The following DEF8 variants were observed in gnomAD, a reference collection of about 807,000 sequenced individuals.
DEF8 encodes the protein DEF-8.
DEF8 carries 38 observed loss-of-function variants against 59.1 expected under a neutral mutation model. The ratio of observed to expected loss-of-function variants is 0.64; its 90% confidence interval spans 0.50 to 0.84. The LOEUF is 0.84. DEF8 is among the 40% of genes least tolerant of loss of function. DEF8 has a pLI of 0.00. For synonymous variants in DEF8, 265 were observed against 250.1 expected, an observed-to-expected ratio of 1.06 and a Z score of -0.56; for missense variants, 557 against 615.2, an observed-to-expected ratio of 0.91 and a Z score of 1.00.
chr16:89,961,135 TC>T, intron 7 of DEF8, 40 bp downstream of exon 7: 1 of 1,591,420 alleles, frequency 6.3e-7, no homozygotes, highest in Non-Finnish European at 8.6e-7. Flanking sequence ...AGGGAGCTGT[TC>T]CTGGCGGGGA....
intron 10 of DEF8, 129 bp from the exon 11 acceptor site, chr16:89,964,041 T>G: frequency 7.8e-7 from 1 of 1,280,696 alleles, no homozygotes; most frequent in South Asian, 1.2e-5. Context: ...ATTCTACTCC[T>G]GGGGCCCAGA....
At chr16:89,963,205 G>C (rs1050614188) in intron 9 of DEF8, among the ~76,000 whole-genome samples, 158 bp from the exon 10 acceptor site, 3 of 152,156 alleles carry the variant, frequency 2.0e-5, no homozygotes, top group African/African-American at 7.2e-5. Context: ...GCCCAGCCTG[G>C]GAGCTGTGAT....
In DEF8 at chr16:89,967,752, C is replaced by A. The variant is rs533176729; in HGVS notation, c.*1789C>A. 2 of 324,412 alleles carry A rather than the reference C, an allele frequency of 6.2e-6. No homozygotes were observed. Among genetic ancestry groups the A allele is most frequent in the Non-Finnish European group, 1.1e-5 (2 of 179,832 alleles). The allele number at this position is 324,412 out of a possible 1,614,324, so 20.1% of individuals were successfully genotyped here. On this transcript the variant is annotated 3_prime_UTR_variant, in exon 13 of 13. Coordinates refer to ENST00000563594, the MANE Select transcript of DEF8 (RefSeq NM_001242818.2). ...TCTGTGTAATCAACTTCACATTATT[C>A]AAGTTACAAATCACTGTGTCCATAG...
chr16:89,959,600 T>C (rs2033750477), intron 6 of DEF8, among the ~76,000 whole-genome samples: 1 of 152,242 alleles, frequency 6.6e-6, no homozygotes, highest in African/African-American at 2.4e-5. Context: ...GTTCACACCG[T>C]TCTCCTGCCT....
intron 2 of DEF8, among the ~76,000 whole-genome samples, chr16:89,953,967 C>G (rs761297908): frequency 2.0e-5 from 3 of 152,218 alleles, no homozygotes. Flanking sequence ...AGGCAGGGAG[C>G]TTGGGCCCCT....
Position 89,964,006 on chromosome 16 carries a change from CCT to C in DEF8, c.1003-163_1003-162del, listed in dbSNP as rs1469955479. 9.7e-6 allele frequency: 9 copies of C among 929,620 alleles called. 1 individual carries two copies. In the Middle Eastern group the frequency reaches 6.3e-4, roughly 65 times the overall value. The allele number at this position is 929,620 out of a possible 1,614,324, so 57.6% of individuals were successfully genotyped here. On this transcript the variant is annotated intron_variant, in intron 10 of 12. Transcript: ENST00000563594. ...GAAACGTGGCCCGGGTCCATCTTCC[CCT>C]GTCGGCTTCCTGGGGCTCCTGGATT...
intron 2 of DEF8, among the ~76,000 whole-genome samples, chr16:89,953,989 C>T (rs528406749): frequency 4.6e-5 from 7 of 152,308 alleles, no homozygotes; most frequent in Non-Finnish European, 1.0e-4. Flanking sequence ...AGATGGGCCA[C>T]GTGCCCTCGT....
intron 6 of DEF8, among the ~76,000 whole-genome samples, chr16:89,960,071 T>C (rs1597505538): frequency 6.6e-6 from 1 of 152,174 alleles, no homozygotes; most frequent in East Asian, 1.9e-4. Flanking sequence ...GTGGTTGATA[T>C]AAGGAGGAGC....
Position 89,964,456 on chromosome 16 carries a change from T to A in DEF8, c.1144-10T>A, listed in dbSNP as rs755851301. 4 of 1,580,030 alleles carry A rather than the reference T, an allele frequency of 2.5e-6. No homozygotes were observed. The African/African-American group carries it at 5.4e-5, about 21-fold the overall frequency. On this transcript the variant is annotated splice_polypyrimidine_tract_variant and intron_variant, in intron 11 of 12. Coordinates refer to ENST00000563594, the MANE Select transcript of DEF8 (RefSeq NM_001242818.2). ...GTGCCCGTGCCCCAACCCCACACTG[T>A]TCCCCCCAGCGGTGCCAGGCCAAGG...
In DEF8 at chr16:89,957,692, C is replaced by A. The variant is rs1178760307; in HGVS notation, c.372+32C>A. 5 of 1,517,984 alleles carry A rather than the reference C, an allele frequency of 3.3e-6. No individual in the cohort carries two copies. In the Admixed American group the frequency reaches 6.2e-5, roughly 19 times the overall value. 94.0% of individuals were successfully genotyped at this position (1,517,984 alleles called of 1,614,324 possible). ...GTGGGGCCGCCCCGCCGTGGGGCAGCCTGGGGCCGAGGCCAGAACTGTGGA... is the reference window on the plus strand; with the variant it reads ...GTGGGGCCGCCCCGCCGTGGGGCAGACTGGGGCCGAGGCCAGAACTGTGGA... On this transcript the variant is annotated intron_variant, in intron 5 of 12. Coordinates refer to ENST00000563594, the MANE Select transcript of DEF8 (RefSeq NM_001242818.2).
At chr16:89,955,716 G>T (rs994850581) in intron 4 of DEF8, among the ~76,000 whole-genome samples, 1 of 152,214 alleles carries the variant, frequency 6.6e-6, no homozygotes, top group Non-Finnish European at 1.5e-5. Context: ...TGTTTGTTCC[G>T]TGTTTTGTTC....
rs149002141 is a variant in DEF8, at chr16:89,949,568, C to A, written c.-11+55C>A. 7.7e-5 allele frequency: 125 copies of A among 1,613,414 alleles called. No individual in the cohort carries two copies. The African/African-American group carries it at 1.5e-3, about 20-fold the overall frequency. Reference sequence around the variant, plus strand: ...GCACACCGGGGTGACTTCTCAGGTTCTCGGGGTGGCAGCTGCAGTGATGAC... The same window carrying A: ...GCACACCGGGGTGACTTCTCAGGTTATCGGGGTGGCAGCTGCAGTGATGAC... On this transcript the variant is annotated intron_variant, in intron 2 of 12. Coordinates refer to ENST00000563594, the MANE Select transcript of DEF8 (RefSeq NM_001242818.2).
intron 9 of DEF8, among the ~76,000 whole-genome samples, chr16:89,962,521 G>A (rs556668200): frequency 7.2e-5 from 11 of 152,214 alleles, no homozygotes; most frequent in African/African-American, 2.6e-4. Flanking sequence ...GCCGGGCATG[G>A]TGGTGTGTGC....
At chr16:89,951,511 C>T (rs1175471275) in intron 2 of DEF8, among the ~76,000 whole-genome samples, 9 of 152,180 alleles carry the variant, frequency 5.9e-5, no homozygotes, top group Non-Finnish European at 1.2e-4. Flanking sequence ...TCCCAAAGTG[C>T]TGGGATTACA....
In DEF8 at chr16:89,964,559, T is replaced by A; in HGVS notation, c.1237T>A (p.Ser413Thr). Reference protein sequence around the residue: ...DSHTSVCADCSAVFHRDCYYD... With the variant: ...DSHTSVCADCTAVFHRDCYYD... ...CCACACGTCTGTGTGCGCCGACTGC[T>A]CCGCGGTCTTCCACAGGTGGGTGTG... is the stretch of plus-strand genomic sequence containing the variant. Residue 413 changes from serine (S) to threonine (T), a missense_variant, in exon 12 of 13, where the codon TCC (serine) becomes ACC (threonine). Physicochemically the swap from Ser to Thr is moderately conservative, Grantham distance 58 (BLOSUM62 1). Coordinates refer to ENST00000563594, the MANE Select transcript of DEF8 (RefSeq NM_001242818.2). The A allele has an allele frequency of 1.3e-6, 2 of 1,571,982 alleles. No individual in the cohort carries two copies. The highest frequency in any genetic ancestry group is 1.7e-6 in the Non-Finnish European group (2 of 1,160,284).
intron 1 of DEF8, 74 bp from the exon 2 acceptor site, chr16:89,949,343 C>T (rs2031506080): frequency 7.9e-7 from 1 of 1,273,514 alleles, no homozygotes; most frequent in East Asian, 2.4e-5. Context: ...CCCCGAGGAG[C>T]CCGGGAGACC....
chr16:89,966,957 C>T lies in DEF8; in HGVS notation c.*994C>T, dbSNP rs940899912. The T allele has an allele frequency of 1.7e-5, 4 of 242,164 alleles. No homozygotes were observed. Among genetic ancestry groups the T allele is most frequent in the Admixed American group, 5.6e-5 (1 of 17,848 alleles). The allele number at this position is 242,164 out of a possible 1,614,324, so 15.0% of individuals were successfully genotyped here. On this transcript the variant is annotated 3_prime_UTR_variant, in exon 13 of 13. Coordinates refer to ENST00000563594, the MANE Select transcript of DEF8 (RefSeq NM_001242818.2). ...GTCAAGAGAGCTGAGAGTATTCGCTCGACTGAGCACATTCAGGAAGATCAG... is the reference window on the plus strand; with the variant it reads ...GTCAAGAGAGCTGAGAGTATTCGCTTGACTGAGCACATTCAGGAAGATCAG...
In DEF8 at chr16:89,957,571, G is replaced by A. The variant is rs572167104; in HGVS notation, c.283G>A (p.Val95Met). The A allele has an allele frequency of 6.9e-6, 11 of 1,591,990 alleles. No individual in the cohort carries two copies. In the South Asian group the frequency reaches 8.0e-5, roughly 12 times the overall value. ...LRQAIEECKQ[V>M]ILELPEQSEK... ...GCAGGCGATCGAGGAGTGCAAGCAG[G>A]TGATTCTGGAGCTGCCCGAGCAGTC... The change falls in exon 5 of 13, where the codon GTG becomes ATG. Residue 95 changes from valine to methionine, a missense_variant. Val to Met is a conservative substitution (Grantham distance 21). Coordinates refer to ENST00000563594, the MANE Select transcript of DEF8 (RefSeq NM_001242818.2).
At chr16:89,963,512 G>A (rs2034294741) in intron 10 of DEF8, 69 bp downstream of exon 10, 1 of 1,376,418 alleles carries the variant, frequency 7.3e-7, no homozygotes, top group Non-Finnish European at 1.0e-6. Context: ...CTCAGGCTCA[G>A]GTTTTTTCCG....
Sources: allele counts gnomAD v4.1 joint callset (sites outside exome capture counted in the v4.1 genomes callset), GRCh38; gene constraint gnomAD v4.1.1; transcripts MANE v1.5; gene names NCBI Gene and HGNC (gene_info 2026-07-23, HGNC 2026-07-21).